The following CCDC125 variants were observed in gnomAD, a reference collection of about 807,000 sequenced individuals.
CCDC125 encodes coiled-coil domain containing 125, also known as coiled-coil domain-containing protein 125.
Under a neutral mutation model 57.4 loss-of-function variants are expected in CCDC125, and 43 were observed. The observed-to-expected ratio is 0.75, with a 90% CI of 0.59 to 0.97. The LOEUF (loss-of-function observed/expected upper bound fraction) is 0.97. Among genes scored for constraint, CCDC125 ranks in the 50% least tolerant of loss-of-function variants. The pLI, the probability that CCDC125 is intolerant of heterozygous loss-of-function variation, is 0.00. For synonymous variants in CCDC125, 187 were observed against 195.2 expected (o/e 0.96, Z 0.35); for missense variants, 563 against 595.7 (o/e 0.95, Z 0.57).
At chr5:69,321,017 G>A (rs1344109654) in intron 1 of CCDC125, among the ~76,000 whole-genome samples, 2 of 152,138 alleles carry the variant, frequency 1.3e-5, no homozygotes, top group East Asian at 1.9e-4. Context: ...GTTACCAGAG[G>A]CTGGGGGATG....
chr5:69,323,208 C>G (rs1760310108), intron 1 of CCDC125, among the ~76,000 whole-genome samples: 1 of 151,622 alleles, frequency 6.6e-6, no homozygotes, highest in African/African-American at 2.4e-5. Flanking sequence ...ACTCAGGAGG[C>G]TGAGGCAGAA....
intron 10 of CCDC125, among the ~76,000 whole-genome samples, chr5:69,291,600 C>A (rs1754472345): frequency 6.6e-6 from 1 of 152,136 alleles, no homozygotes; most frequent in Non-Finnish European, 1.5e-5. Context: ...GGTGATCCAC[C>A]CTCCTTGGCC....
chr5:69,293,249 C>T (rs1056509329), intron 9 of CCDC125, among the ~76,000 whole-genome samples: 24 of 152,178 alleles, frequency 1.6e-4, no homozygotes, highest in African/African-American at 5.8e-4. Context: ...AGTGATTCTC[C>T]CACCTCAGCC....
chr5:69,319,061 G>A (rs983065268), intron 2 of CCDC125, among the ~76,000 whole-genome samples: 1 of 151,822 alleles, frequency 6.6e-6, no homozygotes, highest in Non-Finnish European at 1.5e-5. Flanking sequence ...CCGAGTAGCT[G>A]GGACTACAAG....
the CCDC125 span, among the ~76,000 whole-genome samples, chr5:69,275,018 T>C: frequency 4.6e-4 from 69 of 149,698 alleles, no homozygotes; most frequent in Middle Eastern, 3.4e-3. Context: ...GAGCCAAGAT[T>C]GTGCCACTGC....
intron 8 of CCDC125, among the ~76,000 whole-genome samples, chr5:69,295,709 A>G (rs1755195169): frequency 6.6e-6 from 1 of 152,158 alleles, no homozygotes; most frequent in South Asian, 2.1e-4. Flanking sequence ...TGGAATGTTA[A>G]ATATACCTTC....
At chr5:69,297,036 C>T (rs1359377812) in intron 8 of CCDC125, among the ~76,000 whole-genome samples, 1 of 152,186 alleles carries the variant, frequency 6.6e-6, no homozygotes, top group Non-Finnish European at 1.5e-5. Context: ...GCAATCTACA[C>T]AACATAGCGT....
At chr5:69,306,404 C>T (rs1362141266) in intron 6 of CCDC125, among the ~76,000 whole-genome samples, 1 of 152,174 alleles carries the variant, frequency 6.6e-6, no homozygotes, top group East Asian at 1.9e-4. Context: ...TCATGGCTCA[C>T]TGCAGCCTCC....
Position 69,282,684 on chromosome 5 carries a change from T to C in CCDC125, c.*45A>G. The C allele has an allele frequency of 6.9e-7, 1 of 1,442,296 alleles. No homozygotes were observed. The highest frequency in any genetic ancestry group is 9.3e-7 in the Non-Finnish European group (1 of 1,073,042). The allele number at this position is 1,442,296 out of a possible 1,614,324, so 89.3% of individuals were successfully genotyped here. The stretch of plus-strand genomic sequence containing the variant: ...ATTTACAAAATCATTTTTCAAAGTA[T>C]CTCGATATAAACAACTCTCAGTTCC... On this transcript the variant is annotated 3_prime_UTR_variant, in exon 12 of 12. Transcript: ENST00000396496.
chr5:69,330,993 C>A (rs990998221), intron 1 of CCDC125, among the ~76,000 whole-genome samples: 2 of 151,878 alleles, frequency 1.3e-5, no homozygotes, highest in Non-Finnish European at 2.9e-5. Context: ...GTCAATGTCA[C>A]CCTGTTTTCC....
At chr5:69,276,169 C>A (rs1165097771), downstream of CCDC125, among the ~76,000 whole-genome samples, 1 of 152,112 alleles carries the variant, frequency 6.6e-6, no homozygotes, top group Non-Finnish European at 1.5e-5. Context: ...GTGGGGACTA[C>A]AGACATGCAC....
chr5:69,311,023 T>C, intron 4 of CCDC125, 95 bp downstream of exon 4: 5 of 716,868 alleles, frequency 7.0e-6, no homozygotes, highest in Middle Eastern at 3.9e-4. Context: ...CCCTCAACTA[T>C]ATTAAGTCCT....
chr5:69,319,482 CTTTT>C (rs1280719685), intron 2 of CCDC125, among the ~76,000 whole-genome samples: 1 of 138,056 alleles, frequency 7.2e-6, no homozygotes, highest in Non-Finnish European at 1.6e-5. Flanking sequence ...ACATCGACTA[CTTTT>C]TTTTTTTTTT....
intron 1 of CCDC125, among the ~76,000 whole-genome samples, chr5:69,328,966 TG>T (rs11387008): frequency 0.36 from 54,394 of 151,136 alleles, 10,679 homozygotes; most frequent in East Asian, 0.5. Context: ...GCTAATTTTT[TG>T]TATTTTTAGT....
At chr5:69,311,649 CAA>C (rs1342674278) in intron 3 of CCDC125, among the ~76,000 whole-genome samples, 67 of 150,796 alleles carry the variant, frequency 4.4e-4, no homozygotes, top group African/African-American at 1.6e-3. Flanking sequence ...GACTCTGTCT[CAA>C]TTAAAAAAAT....
At chr5:69,327,354 A>G (rs1368190560) in intron 1 of CCDC125, among the ~76,000 whole-genome samples, 1 of 152,094 alleles carries the variant, frequency 6.6e-6, no homozygotes, top group East Asian at 1.9e-4. Context: ...TCGGTCTCCC[A>G]AAGTGCTGGG....
intron 8 of CCDC125, among the ~76,000 whole-genome samples, chr5:69,297,008 T>C (rs1396484960): frequency 6.7e-6 from 1 of 149,862 alleles, no homozygotes; most frequent in Non-Finnish European, 1.5e-5. Context: ...TATTCCAGTA[T>C]GTACCAATTT....
chr5:69,278,101 C>CT (rs1454964612), downstream of CCDC125, among the ~76,000 whole-genome samples: 1 of 152,192 alleles, frequency 6.6e-6, no homozygotes, highest in Non-Finnish European at 1.5e-5. Flanking sequence ...AGGCTGGCCT[C>CT]TAATTCCTGA....
intron 10 of CCDC125, 52 bp from the exon 11 acceptor site, chr5:69,285,519 A>G (rs779487856): frequency 1.3e-6 from 2 of 1,541,476 alleles, no homozygotes; most frequent in South Asian, 2.4e-5. Flanking sequence ...CCTCACTGAT[A>G]TACTTCCAGC....
Sources: allele counts gnomAD v4.1 joint callset (sites outside exome capture counted in the v4.1 genomes callset), GRCh38; gene constraint gnomAD v4.1.1; transcripts MANE v1.5; gene names NCBI Gene and HGNC (gene_info 2026-07-23, HGNC 2026-07-21).